PWWP2A: variants seen among roughly 807,000 people sequenced by gnomAD.
PWWP2A encodes the protein PWWP domain containing 2A.
Under a neutral mutation model 48.5 loss-of-function variants are expected in PWWP2A, and 18 were observed. The observed-to-expected ratio is 0.37, with a 90% CI of 0.26 to 0.55. PWWP2A has a LOEUF of 0.55. PWWP2A is among the 20% of genes least tolerant of loss of function. The probability of loss-of-function intolerance (pLI) is 0.81; values close to 1 mark genes in which losing one functional copy is unlikely to be tolerated. For missense variants in PWWP2A, 867 were observed against 976.4 expected (o/e 0.89, Z 1.49); for synonymous variants, 396 against 387.7 (o/e 1.02, Z -0.25).
At chr5:160,060,503 C>T (rs982103445), downstream of PWWP2A, among the ~76,000 whole-genome samples, 2 of 152,114 alleles carry the variant, frequency 1.3e-5, no homozygotes, top group South Asian at 4.1e-4. Flanking sequence ...TGGACATATT[C>T]AGGCTGAGTG....
chr5:160,080,604 G>A, intron 3 of PWWP2A: 1 of 1,444,912 alleles, frequency 6.9e-7, no homozygotes, highest in Non-Finnish European at 9.2e-7. Flanking sequence ...ATTAAGTGAT[G>A]ACATGATGCC....
chr5:160,072,481 A>G (rs1300648070), downstream of PWWP2A, among the ~76,000 whole-genome samples: 1 of 152,158 alleles, frequency 6.6e-6, no homozygotes, highest in African/African-American at 2.4e-5. Context: ...TAATCCCAGC[A>G]CCTGCGGGGG....
At chr5:160,099,363 A>C (rs937432152) in intron 1 of PWWP2A, among the ~76,000 whole-genome samples, 10 of 152,222 alleles carry the variant, frequency 6.6e-5, no homozygotes, top group Admixed American at 5.9e-4. Context: ...TCAGTCTTTA[A>C]CCACTACCCA....
chr5:160,073,389 C>T (rs894570540), downstream of PWWP2A, among the ~76,000 whole-genome samples: 3 of 151,804 alleles, frequency 2.0e-5, no homozygotes, highest in Non-Finnish European at 4.4e-5. Flanking sequence ...CCACCACGCC[C>T]GGCTAATTTT....
At chr5:160,113,911 C>T (rs1581280258) in intron 1 of PWWP2A, among the ~76,000 whole-genome samples, 1 of 152,074 alleles carries the variant, frequency 6.6e-6, no homozygotes, top group Admixed American at 6.6e-5. Context: ...ATGGGATCAA[C>T]CTACATCTGA....
downstream of PWWP2A, among the ~76,000 whole-genome samples, chr5:160,086,831 T>A (rs754481841): frequency 6.6e-6 from 1 of 152,244 alleles, no homozygotes; most frequent in Non-Finnish European, 1.5e-5. Context: ...AAATTAGTAA[T>A]GGAATTAAAC....
chr5:160,075,131 G>A (rs1753837580), downstream of PWWP2A, among the ~76,000 whole-genome samples: 1 of 152,140 alleles, frequency 6.6e-6, no homozygotes, highest in Admixed American at 6.5e-5. Flanking sequence ...TGAGTCTCCT[G>A]TAGGCCCTCT....
the PWWP2A span, among the ~76,000 whole-genome samples, chr5:160,045,096 TTTAAA>T: frequency 6.6e-6 from 1 of 152,128 alleles, no homozygotes; most frequent in African/African-American, 2.4e-5. Flanking sequence ...GTTTGGGAAG[TTTAAA>T]TTAGGAACAA....
the PWWP2A span, among the ~76,000 whole-genome samples, chr5:160,052,574 AC>A: frequency 2.0e-5 from 3 of 148,132 alleles, no homozygotes; most frequent in Non-Finnish European, 4.5e-5. Context: ...AAAAAAAAAA[AC>A]TGTTTGCATT....
At chr5:160,071,736 T>C (rs1181997096), downstream of PWWP2A, among the ~76,000 whole-genome samples, 3 of 152,196 alleles carry the variant, frequency 2.0e-5, no homozygotes, top group Non-Finnish European at 4.4e-5. Flanking sequence ...GGCTCTCAGC[T>C]GCGCAGCCCC....
intron 1 of PWWP2A, among the ~76,000 whole-genome samples, chr5:160,110,647 G>A (rs373689945): frequency 1.9e-3 from 295 of 151,964 alleles, no homozygotes; most frequent in African/African-American, 6.6e-3. Flanking sequence ...CAGAGGTTGC[G>A]GTGAGCCGAC....
At chr5:160,076,809 G>A (rs909476104) in exon 4 of PWWP2A, 2 of 152,122 alleles carry the variant, frequency 1.3e-5, no homozygotes, top group Admixed American at 6.5e-5. Context: ...TCAGTTATCT[G>A]TTACGTTGCT....
In PWWP2A at chr5:160,077,208, T is replaced by C. The variant is rs1753932349; in HGVS notation, c.*947A>G. On this transcript the variant is annotated 3_prime_UTR_variant, in exon 4 of 4. Transcript: ENST00000456329. The surrounding 1 kb of genome is among the most constrained non-coding windows in gnomAD (Gnocchi z 4.2). ...AGGGCCAAGTCCTACTGACACCTGT[T>C]GGAATTTCTTGCACTTAGGAGCGGC... 6.6e-6 allele frequency: 1 copy of C among 152,204 alleles called. No individual in the cohort carries two copies. The highest frequency in any genetic ancestry group is 1.5e-5 in the Non-Finnish European group (1 of 68,044). 9.4% of individuals were successfully genotyped at this position (152,204 alleles called of 1,614,324 possible). A position where few individuals can be genotyped will look rare whatever the true frequency, so the allele number is the denominator to read the frequency against.
downstream of PWWP2A, chr5:160,090,889 A>G (rs116036428): frequency 1.5e-3 from 1,492 of 984,654 alleles, 15 homozygotes; most frequent in African/African-American, 0.024. Flanking sequence ...ATACAAAGCT[A>G]AAAATGGAAA....
At chr5:160,094,150 T>G (rs1581203299) in intron 1 of PWWP2A, 85 bp from the exon 2 acceptor site, 1 of 1,381,438 alleles carries the variant, frequency 7.2e-7, no homozygotes. Flanking sequence ...ATCTGATGCT[T>G]ATTTATATAA....
chr5:160,088,268 A>C (rs1472077000), downstream of PWWP2A, among the ~76,000 whole-genome samples: 1 of 152,132 alleles, frequency 6.6e-6, no homozygotes, highest in Admixed American at 6.5e-5. Context: ...TCTGTCACCC[A>C]GGCTGGAGTG....
In PWWP2A at chr5:160,063,922, A is replaced by C. The variant is rs1468384672; in HGVS notation, c.*237-249T>G. Reference sequence around the variant, plus strand: ...TTCCCAAAGTGCTGGGAATACAGGCATGAGTCACCATGCTTGGCAAGAACC... The same window carrying C: ...TTCCCAAAGTGCTGGGAATACAGGCCTGAGTCACCATGCTTGGCAAGAACC... On this transcript the variant is annotated intron_variant and NMD_transcript_variant, in intron 4 of 5. Coordinates refer to the PWWP2A transcript ENST00000524050. 2.0e-5 allele frequency among the ~76,000 whole-genome samples: 3 copies of C among 150,370 alleles called. 1 individual carries two copies. The South Asian group carries it at 6.3e-4, about 32-fold the overall frequency.
At chr5:160,065,554 A>G (rs751534390) in intron 4 of PWWP2A, 281 of 355,926 alleles carry the variant, frequency 7.9e-4, no homozygotes, top group Non-Finnish European at 5.3e-4. Context: ...GGTCTGGGTT[A>G]GGTTGTGAAT....
chr5:160,047,968 G>A, the PWWP2A span, among the ~76,000 whole-genome samples: 1 of 152,034 alleles, frequency 6.6e-6, no homozygotes, highest in African/African-American at 2.4e-5. Flanking sequence ...GGCTTCATGA[G>A]AACAAGGACT....
Sources: allele counts gnomAD v4.1 joint callset (sites outside exome capture counted in the v4.1 genomes callset), GRCh38; gene constraint gnomAD v4.1.1; non-coding constraint Gnocchi (gnomAD v3.1); transcripts MANE v1.5; gene names NCBI Gene and HGNC (gene_info 2026-07-23, HGNC 2026-07-21).